The following CASZ1 variants were observed in gnomAD, a reference collection of about 807,000 sequenced individuals.
The protein encoded by CASZ1 is zinc finger protein castor homolog 1.
CASZ1 carries 28 observed loss-of-function variants against 135.2 expected under a neutral mutation model. The observed-to-expected ratio is 0.21, with a 90% CI of 0.15 to 0.28. The LOEUF (loss-of-function observed/expected upper bound fraction) is 0.28. Among genes scored for constraint, CASZ1 ranks in the 10% least tolerant of loss-of-function variants. CASZ1 has a pLI of 1.00. For missense variants in CASZ1, 2,161 were observed against 2,453.3 expected, an observed-to-expected ratio of 0.88 and a Z score of 2.52; for synonymous variants, 1,068 against 1,073.4, an observed-to-expected ratio of 0.99 and a Z score of 0.10.
At chr1:10,793,940 C>G (rs1049715253) in intron 1 of CASZ1, among the ~76,000 whole-genome samples, 4 of 152,158 alleles carry the variant, frequency 2.6e-5, no homozygotes, top group African/African-American at 4.8e-5. Context: ...TCGCGACGCC[C>G]GCCCGGGACG....
chr1:10,688,746 G>A (rs1638673294), intron 4 of CASZ1, among the ~76,000 whole-genome samples: 1 of 152,172 alleles, frequency 6.6e-6, no homozygotes, highest in Non-Finnish European at 1.5e-5. Flanking sequence ...GTGCTGTTCT[G>A]TGGCCAGGCA....
At chr1:10,691,669 A>G (rs1638772704) in intron 4 of CASZ1, among the ~76,000 whole-genome samples, 1 of 152,210 alleles carries the variant, frequency 6.6e-6, no homozygotes, top group Admixed American at 6.5e-5. Context: ...TGCCGTGTGC[A>G]CTATGAAGTT....
chr1:10,794,227 G>A lies in CASZ1; in HGVS notation c.-234+2337C>T, dbSNP rs1349473368. 1.3e-5 allele frequency among the ~76,000 whole-genome samples: 2 copies of A among 152,026 alleles called. No homozygotes were observed. Among genetic ancestry groups the A allele is most frequent in the African/African-American group, 4.8e-5 (2 of 41,394 alleles). The stretch of plus-strand genomic sequence containing the variant: ...CGCGCGCGCGCGTCGTGGGTTGGGC[G>A]GGGGGACACCAAGATTATCCGGCGA... On this transcript the variant is annotated intron_variant, in intron 1 of 20. Coordinates refer to ENST00000377022, the MANE Select transcript of CASZ1 (RefSeq NM_001079843.3). This position sits in a 1 kb window ranked among gnomAD's most constrained non-coding sequence, Gnocchi z 5.6.
Position 10,653,806 on chromosome 1 carries a change from G to A in CASZ1, c.2251C>T (p.Leu751=). 1.2e-6 allele frequency: 2 copies of A among 1,609,416 alleles called. No homozygotes were observed. Among genetic ancestry groups the A allele is most frequent in the South Asian group, 1.1e-5 (1 of 90,660 alleles). Residue 751 remains leucine (L), a synonymous_variant, in exon 11 of 21, where the codon CTG becomes TTG. Transcript: ENST00000377022. Reference sequence around the variant, plus strand: ...TCGGTGGCGGCAGTGGCGGCAGCCAGGGACGCAGAGGACTGCTGGCTGGTA... The same window carrying A: ...TCGGTGGCGGCAGTGGCGGCAGCCAAGGACGCAGAGGACTGCTGGCTGGTA... ...SPTSQQSSAS[L]AAATAATEAG...
Position 10,649,594 on chromosome 1 carries a change from G to T in CASZ1, c.2881-157C>A. 8.4e-6 allele frequency: 7 copies of T among 837,436 alleles called. No individual in the cohort carries two copies. In the South Asian group the frequency reaches 1.3e-4, roughly 15 times the overall value. The allele number at this position is 837,436 out of a possible 1,614,324, so 51.9% of individuals were successfully genotyped here. On this transcript the variant is annotated intron_variant, in intron 13 of 20. Transcript: ENST00000377022. ...CGCCTACTTGGCTCTGGCTGTGGCT[G>T]GGCCCTCTCTGAACAGAGAGCCTGC...
rs182027063 is a variant in CASZ1, at chr1:10,755,684, C to T, written c.-77+5017G>A. 1.3e-5 allele frequency among the ~76,000 whole-genome samples: 2 copies of T among 152,178 alleles called. No individual in the cohort carries two copies. The highest frequency in any genetic ancestry group is 1.9e-4 in the East Asian group (1 of 5,160). On this transcript the variant is annotated intron_variant, in intron 2 of 20. Coordinates refer to ENST00000377022, the MANE Select transcript of CASZ1 (RefSeq NM_001079843.3). This position sits in a 1 kb window ranked among gnomAD's most constrained non-coding sequence, Gnocchi z 4.3. The stretch of plus-strand genomic sequence containing the variant: ...GAGGAAGGAGGCCCAGGCTGGGGTT[C>T]GGCACCACCAGGTGGAACACTTGCC...
chr1:10,785,157 C>CTCCCTCCCTTCT (rs1369239606), intron 1 of CASZ1, among the ~76,000 whole-genome samples: 4 of 146,660 alleles, frequency 2.7e-5, no homozygotes, highest in Admixed American at 6.9e-5. Context: ...CCCTTCTTTC[C>CTCCCTCCCTTCT]TTCCTTCCTT....
intron 2 of CASZ1, among the ~76,000 whole-genome samples, chr1:10,718,772 C>G (rs1391293403): frequency 6.6e-6 from 1 of 152,254 alleles, no homozygotes; most frequent in Non-Finnish European, 1.5e-5. Context: ...TAGGAGTCTG[C>G]TCTATCCCAC....
chr1:10,653,087 G>A, intron 11 of CASZ1: 1 of 470,078 alleles, frequency 2.1e-6, no homozygotes, highest in East Asian at 4.3e-5. Flanking sequence ...GGGGGGACCT[G>A]CAGTGGCCCC....
chr1:10,654,281 G>A, intron 10 of CASZ1, 63 bp from the exon 11 acceptor site: 1 of 1,590,272 alleles, frequency 6.3e-7, no homozygotes, highest in Non-Finnish European at 8.6e-7. Flanking sequence ...CTACACCATG[G>A]CCCTGGGAGG....
chr1:10,642,841 C>T lies in CASZ1; in HGVS notation c.4162+18G>A. The T allele has an allele frequency of 6.2e-7, 1 of 1,609,670 alleles. No individual in the cohort carries two copies. Among genetic ancestry groups the T allele is most frequent in the Non-Finnish European group, 8.5e-7 (1 of 1,178,308 alleles). On this transcript the variant is annotated intron_variant, in intron 20 of 20. Coordinates refer to ENST00000377022, the MANE Select transcript of CASZ1 (RefSeq NM_001079843.3). Reference sequence around the variant, plus strand: ...GAGTGGGGCCTGGCCCTGCCAGCAGCCCCTGCCTGCCGCTCACCTGCCGCG... The same window carrying T: ...GAGTGGGGCCTGGCCCTGCCAGCAGTCCCTGCCTGCCGCTCACCTGCCGCG...
At position 10,774,103 on chromosome 1, in the gene CASZ1, C is replaced by T. The variant is rs891530456; in HGVS notation, c.-233-13246G>A. Among the ~76,000 whole-genome samples, 6 of 152,136 alleles carry T rather than the reference C, an allele frequency of 3.9e-5. No homozygotes were observed. Among genetic ancestry groups the T allele is most frequent in the Non-Finnish European group, 8.8e-5 (6 of 68,028 alleles). ...GCCAGGTGCTCCTGGGGTCCTCCAC[C>T]GCCAGGCCCACAAGGGGCACTGCAC... On this transcript the variant is annotated intron_variant, in intron 1 of 20. Transcript: ENST00000377022. The surrounding 1 kb of genome is among the most constrained non-coding windows in gnomAD (Gnocchi z 4.4).
In CASZ1 at chr1:10,700,493, T is replaced by C. The variant is rs1361605585; in HGVS notation, c.-24+4999A>G. The stretch of plus-strand genomic sequence containing the variant: ...GTGTGCTGCTGCCTGAGTCTAGGTG[T>C]TTGGATGGTGTATGTACACGCCTGA... On this transcript the variant is annotated intron_variant, in intron 3 of 20. Transcript: ENST00000377022. The surrounding 1 kb of genome is among the most constrained non-coding windows in gnomAD (Gnocchi z 4.2). 3.9e-5 allele frequency among the ~76,000 whole-genome samples: 6 copies of C among 152,048 alleles called. No individual in the cohort carries two copies. Among genetic ancestry groups the C allele is most frequent in the Non-Finnish European group, 8.8e-5 (6 of 67,994 alleles).
Position 10,639,091 on chromosome 1 carries a change from CGTCGT to C in CASZ1, c.5126_5130del (p.Asp1709GlyfsTer116). The C allele has an allele frequency of 8.8e-7, 1 of 1,133,838 alleles. No homozygotes were observed. Among genetic ancestry groups the C allele is most frequent in the South Asian group, 2.1e-5 (1 of 48,276 alleles). 70.2% of individuals were successfully genotyped at this position (1,133,838 alleles called of 1,614,324 possible). A position where few individuals can be genotyped will look rare whatever the true frequency, so the allele number is the denominator to read the frequency against. ...GAGTCGGTGCGCAGGTCCTCGTCGT[CGTCGT>C]CCTCGTCGTCGTCCTCGTCGTCGTC... On this transcript the variant is annotated frameshift_variant, in exon 21 of 21. Coordinates refer to ENST00000377022, the MANE Select transcript of CASZ1 (RefSeq NM_001079843.3). LOFTEE classifies it high-confidence loss of function. The surrounding 1 kb of genome is among the most constrained non-coding windows in gnomAD (Gnocchi z 4.0).
chr1:10,662,668 C>T (rs1279404119), intron 5 of CASZ1, among the ~76,000 whole-genome samples: 2 of 152,124 alleles, frequency 1.3e-5, no homozygotes, highest in African/African-American at 4.8e-5. Flanking sequence ...CACACAGTCA[C>T]ATGCAGACTC....
In CASZ1 at chr1:10,704,838, G is replaced by A. The variant is rs554973753; in HGVS notation, c.-24+654C>T. Among the ~76,000 whole-genome samples, 8 of 152,296 alleles carry A rather than the reference G, an allele frequency of 5.3e-5. No individual in the cohort carries two copies. The South Asian group carries it at 6.2e-4, about 12-fold the overall frequency. On this transcript the variant is annotated intron_variant, in intron 3 of 20. Transcript: ENST00000377022. ...AGGCCCGGTGGCCCCGCGGTTTCTC[G>A]CGCCACCACCCCGGGGACTGACACA...
At chr1:10,702,067 C>T (rs940039437) in intron 3 of CASZ1, among the ~76,000 whole-genome samples, 3 of 152,208 alleles carry the variant, frequency 2.0e-5, no homozygotes, top group African/African-American at 7.2e-5. Context: ...ATAGAGACTC[C>T]GAGACGTCCC....
At chr1:10,723,033 G>C (rs1327747864) in intron 2 of CASZ1, among the ~76,000 whole-genome samples, 1 of 152,246 alleles carries the variant, frequency 6.6e-6, no homozygotes, top group East Asian at 1.9e-4. Context: ...GAGCACCAAT[G>C]GGGTGTGCGT....
chr1:10,657,993 TCTC>T lies in CASZ1; in HGVS notation c.1409+512_1409+514del, dbSNP rs1442057433. 8.2e-3 allele frequency: 1,176 copies of T among 144,274 alleles called. 19 individuals are homozygous for T. The highest frequency in any genetic ancestry group is 0.029 in the African/African-American group (1,092 of 38,146). The allele number at this position is 144,274 out of a possible 1,614,324, so 8.9% of individuals were successfully genotyped here. On this transcript the variant is annotated intron_variant, in intron 7 of 20. Transcript: ENST00000377022. This position sits in a 1 kb window ranked among gnomAD's most constrained non-coding sequence, Gnocchi z 5.7. ...CACACCTTCTCTCTCGCTTTCTCTC[TCTC>T]TTTTTTTTTTTTTTTTTAAAGAGAT...
Sources: allele counts gnomAD v4.1 joint callset (sites outside exome capture counted in the v4.1 genomes callset), GRCh38; gene constraint gnomAD v4.1.1; non-coding constraint Gnocchi (gnomAD v3.1); transcripts MANE v1.5; gene names NCBI Gene and HGNC (gene_info 2026-07-23, HGNC 2026-07-21).